STK3: variants seen among roughly 807,000 people sequenced by gnomAD.
The protein encoded by STK3 is serine/threonine kinase 3.
STK3 carries 41 observed loss-of-function variants against 58.0 expected under a neutral mutation model. That is an observed-to-expected ratio of 0.71 (90% CI 0.55 to 0.92). STK3 has a LOEUF of 0.92. Ranked by LOEUF, STK3 falls within the 40% of genes least tolerant of loss-of-function variation. The pLI, the probability that STK3 is intolerant of heterozygous loss-of-function variation, is 0.00. For synonymous variants in STK3, 170 were observed against 191.0 expected, an observed-to-expected ratio of 0.89 and a Z score of 0.91; for missense variants, 479 against 602.7, an observed-to-expected ratio of 0.79 and a Z score of 2.15.
chr8:98,904,554 C>T (rs1468711627), intron 1 of STK3: 1 of 510,886 alleles, frequency 2.0e-6, no homozygotes, highest in South Asian at 1.6e-5. Flanking sequence ...CATATATGCC[C>T]GCAGCCCGAG....
intron 3 of STK3, among the ~76,000 whole-genome samples, chr8:98,869,012 G>GAA (rs1341105700): frequency 7.6e-5 from 9 of 118,374 alleles, no homozygotes; most frequent in Non-Finnish European, 1.8e-5. Flanking sequence ...GAGAGAGAGA[G>GAA]AAAAAGGAAA....
chr8:98,536,822 G>A (rs1809804577), intron 9 of STK3, among the ~76,000 whole-genome samples: 1 of 152,220 alleles, frequency 6.6e-6, no homozygotes, highest in Non-Finnish European at 1.5e-5. Flanking sequence ...GGAGGATGTA[G>A]GGAGAAGCAG....
intron 6 of STK3, among the ~76,000 whole-genome samples, chr8:98,611,343 A>T (rs989529192): frequency 6.6e-6 from 1 of 152,128 alleles, no homozygotes; most frequent in Non-Finnish European, 1.5e-5. Context: ...GTTTATAATT[A>T]AAAAAAGACA....
At chr8:98,862,267 T>C (rs1324978560) in intron 3 of STK3, among the ~76,000 whole-genome samples, 1 of 152,218 alleles carries the variant, frequency 6.6e-6, no homozygotes, top group African/African-American at 2.4e-5. Flanking sequence ...TTCTCCCTTC[T>C]TAATGCAGGA....
intron 10 of STK3, among the ~76,000 whole-genome samples, chr8:98,477,598 G>A: frequency 6.6e-6 from 1 of 151,222 alleles, no homozygotes; most frequent in East Asian, 1.9e-4. Flanking sequence ...GTCTCCACCA[G>A]AAAGGGCCAC....
chr8:98,710,266 T>C (rs1826293269), intron 4 of STK3, among the ~76,000 whole-genome samples: 1 of 152,124 alleles, frequency 6.6e-6, no homozygotes, highest in African/African-American at 2.4e-5. Context: ...ACCAGATTCA[T>C]CTCACTGGGG....
At chr8:98,617,009 G>C (rs200231958) in intron 6 of STK3, among the ~76,000 whole-genome samples, 1 of 151,880 alleles carries the variant, frequency 6.6e-6, no homozygotes, top group Admixed American at 6.6e-5. Context: ...CAGAATATAC[G>C]TTTTTTTCAG....
At chr8:98,724,630 A>G (rs1368526483) in intron 4 of STK3, among the ~76,000 whole-genome samples, 2 of 152,328 alleles carry the variant, frequency 1.3e-5, no homozygotes, top group Admixed American at 1.3e-4. Flanking sequence ...AAGGAGGAAA[A>G]CAGAAGTGGA....
rs192462233 is a variant in STK3, at chr8:98,771,538, C to T, written c.107+3201G>A. Among the ~76,000 whole-genome samples, 1,309 of 151,956 alleles carry T rather than the reference C, an allele frequency of 8.6e-3. 10 individuals are homozygous for T. Among genetic ancestry groups the T allele is most frequent in the African/African-American group, 0.03 (1,233 of 41,476 alleles). ...GGTTTAATTATTTTACTGATCTCTT[C>T]AAAAGCTTTTATATATACAAACATA... On this transcript the variant is annotated intron_variant, in intron 2 of 10. Transcript: ENST00000419617.
intron 2 of STK3, among the ~76,000 whole-genome samples, chr8:98,769,188 A>G (rs1367106324): frequency 6.6e-6 from 1 of 152,214 alleles, no homozygotes; most frequent in East Asian, 1.9e-4. Flanking sequence ...TTTCCAAGGG[A>G]AAGAATCTTA....
intron 1 of STK3, among the ~76,000 whole-genome samples, chr8:98,804,795 A>G (rs1285490895): frequency 6.6e-6 from 1 of 152,220 alleles, no homozygotes; most frequent in Non-Finnish European, 1.5e-5. Flanking sequence ...ACTATGCCAT[A>G]TTACATAATA....
chr8:98,788,462 CAAAA>C (rs371210857), intron 1 of STK3, among the ~76,000 whole-genome samples: 5 of 142,962 alleles, frequency 3.5e-5, no homozygotes, highest in African/African-American at 1.0e-4. Context: ...AACAAACAAA[CAAAA>C]AAAAAAATAC....
chr8:98,362,389 C>G, the STK3 span, among the ~76,000 whole-genome samples: 1 of 152,144 alleles, frequency 6.6e-6, no homozygotes, highest in Non-Finnish European at 1.5e-5. Context: ...GTGCCACTGT[C>G]TGCACACTCC....
intron 9 of STK3, among the ~76,000 whole-genome samples, chr8:98,533,075 A>G (rs1826290103): frequency 6.6e-6 from 1 of 152,110 alleles, no homozygotes; most frequent in Non-Finnish European, 1.5e-5. Context: ...CTCTATGTAT[A>G]TACTACATTT....
chr8:98,579,798 G>A lies in STK3; in HGVS notation c.823-9C>T, dbSNP rs1310637536. On this transcript the variant is annotated splice_polypyrimidine_tract_variant and intron_variant, in intron 7 of 10. Transcript: ENST00000419617. ...TTCTTGATAAAAGGATGCTAAAAAA[G>A]TAAAATTCAATGGTATAAATTCAAA... The A allele has an allele frequency of 3.2e-6, 5 of 1,565,150 alleles. No individual in the cohort carries two copies. Among genetic ancestry groups the A allele is most frequent in the Non-Finnish European group, 4.3e-6 (5 of 1,165,388 alleles).
chr8:98,375,614 A>T (rs553984168), intron 2 of STK3, among the ~76,000 whole-genome samples: 36 of 151,838 alleles, frequency 2.4e-4, no homozygotes, highest in African/African-American at 8.7e-4. Flanking sequence ...CATTCTAATA[A>T]TTTTGTCTTT....
chr8:98,742,438 A>G (rs1366900121), intron 4 of STK3, among the ~76,000 whole-genome samples: 1 of 123,458 alleles, frequency 8.1e-6, no homozygotes, highest in Non-Finnish European at 1.7e-5. Context: ...TACGCAAATC[A>G]ATAAACGTAA....
chr8:98,541,368 G>C (rs6991822), intron 9 of STK3, among the ~76,000 whole-genome samples: 129,591 of 151,926 alleles, frequency 0.85, 55,536 homozygotes, highest in Admixed American at 0.91. Flanking sequence ...AGCCCCACCC[G>C]CTTTGCTCTT....
chr8:98,465,843 G>C (rs538766959), intron 10 of STK3, among the ~76,000 whole-genome samples: 5 of 152,192 alleles, frequency 3.3e-5, no homozygotes, highest in African/African-American at 1.2e-4. Flanking sequence ...TGAAATTTTC[G>C]TTGCATTCCT....
Sources: gnomAD v4.1 joint callset for allele counts (sites outside exome capture counted in the v4.1 genomes callset) on GRCh38, gnomAD v4.1.1 for gene constraint, MANE v1.5 for transcripts, NCBI Gene and HGNC (gene_info 2026-07-23, HGNC 2026-07-21) for gene names.